The following HMGXB3 variants were observed in gnomAD, a reference collection of about 807,000 sequenced individuals.
HMGXB3 encodes the protein HMG domain-containing protein 3.
HMGXB3 carries 45 observed loss-of-function variants against 121.5 expected under a neutral mutation model. That is an observed-to-expected ratio of 0.37 (90% CI 0.29 to 0.47). HMGXB3 has a LOEUF of 0.47. Among genes scored for constraint, HMGXB3 ranks in the 20% least tolerant of loss-of-function variants. The pLI is 0.99. For missense variants in HMGXB3, 1,376 were observed against 1,602.2 expected (o/e 0.86, Z 2.41); for synonymous variants, 590 against 624.1 (o/e 0.95, Z 0.81).
chr5:150,051,677 A>G (rs1756901818), intron 19 of HMGXB3, 48 bp from the exon 20 acceptor site: 1 of 1,401,814 alleles, frequency 7.1e-7, no homozygotes, highest in Non-Finnish European at 9.6e-7. Context: ...GATGGGTTCC[A>G]CCTTAGTCAT....
At chr5:150,002,581 C>T (rs1755599785) in intron 1 of HMGXB3, among the ~76,000 whole-genome samples, 2 of 152,210 alleles carry the variant, frequency 1.3e-5, no homozygotes, top group South Asian at 2.1e-4. Context: ...GTTATTTCCT[C>T]TTGTAAAATT....
rs778428961 is a variant in HMGXB3 at position 150,032,578 on chromosome 5, G to A, written c.1958G>A (p.Arg653Gln). ...PSCGVNLAKD[R>Q]TEKTTKAIEV... is the part of the protein sequence containing the mutation. Reference sequence around the variant, plus strand: ...TGTGGTGTTAACCTTGCCAAAGACCGGACTGAGAAAACCACCAAGGCTATC... The same window carrying A: ...TGTGGTGTTAACCTTGCCAAAGACCAGACTGAGAAAACCACCAAGGCTATC... The change falls in exon 11 of 20, where the codon CGG becomes CAG. Residue 653 changes from arginine to glutamine, a missense_variant. Physicochemically the swap from Arg to Gln is conservative, Grantham distance 43. Coordinates refer to ENST00000502717, the MANE Select transcript of HMGXB3 (RefSeq NM_014983.3). The A allele has an allele frequency of 8.4e-6, 13 of 1,552,118 alleles. No homozygotes were observed. Among genetic ancestry groups the A allele is most frequent in the Admixed American group, 7.8e-5 (4 of 50,988 alleles).
chr5:150,040,716 T>C, intron 13 of HMGXB3, 32 bp from the exon 14 acceptor site: 1 of 1,546,806 alleles, frequency 6.5e-7, no homozygotes, highest in Non-Finnish European at 8.7e-7. Flanking sequence ...TATGATACAT[T>C]AATTTCCTTG....
At chr5:150,007,698 T>C (rs1208379581) in intron 3 of HMGXB3, among the ~76,000 whole-genome samples, 1 of 152,180 alleles carries the variant, frequency 6.6e-6, no homozygotes, top group East Asian at 1.9e-4. Flanking sequence ...ATCCCTATAG[T>C]GGAGTGGAGA....
intron 7 of HMGXB3, among the ~76,000 whole-genome samples, chr5:150,024,983 CT>C (rs2113741998): frequency 6.6e-6 from 1 of 152,280 alleles, no homozygotes; most frequent in South Asian, 2.1e-4. Flanking sequence ...GTCCTGGATA[CT>C]GGATTTGGAA....
intron 1 of HMGXB3, among the ~76,000 whole-genome samples, chr5:150,003,648 C>T (rs1287916971): frequency 6.7e-6 from 1 of 149,520 alleles, no homozygotes; most frequent in East Asian, 1.9e-4. Context: ...TTTTTTCTGC[C>T]AATTACCTGA....
intron 7 of HMGXB3, 74 bp downstream of exon 7, chr5:150,024,754 A>G: frequency 1.6e-6 from 2 of 1,268,854 alleles, no homozygotes; most frequent in Non-Finnish European, 2.1e-6. Context: ...TCTGTACAGC[A>G]TGCCTGAGAG....
At chr5:150,003,700 A>G (rs1158330858) in intron 1 of HMGXB3, among the ~76,000 whole-genome samples, 3 of 151,656 alleles carry the variant, frequency 2.0e-5, no homozygotes, top group Non-Finnish European at 4.4e-5. Flanking sequence ...AATCCCACTC[A>G]TGCCTGTAAT....
intron 2 of HMGXB3, 77 bp downstream of exon 2, chr5:150,005,066 T>A: frequency 4.7e-6 from 7 of 1,481,178 alleles, no homozygotes; most frequent in Non-Finnish European, 6.3e-6. Flanking sequence ...GGAAAACTTT[T>A]AAGACTCTTT....
Position 150,010,181 on chromosome 5 carries a change from C to G in HMGXB3, c.383C>G (p.Ser128Ter). ...GGTTTCCGCAAGATCCTCCCACGCT[C>G]AGATTATATCATCATCCCCAAGAGC... ...IPGFRKILPRSDYIIIPKSSL... is the reference protein window; with the variant it reads ...IPGFRKILPR The change falls in exon 4 of 20, where the codon TCA (serine) becomes TGA (stop). Residue 128 changes from serine (S) to a stop codon, truncating the protein, a stop_gained. Transcript: ENST00000502717. LOFTEE classifies it high-confidence loss of function. 2 of 1,551,800 alleles carry G rather than the reference C, an allele frequency of 1.3e-6. No homozygotes were observed. The highest frequency in any genetic ancestry group is 1.7e-6 in the Non-Finnish European group (2 of 1,147,020).
At chr5:150,008,804 T>C (rs920450628) in intron 3 of HMGXB3, among the ~76,000 whole-genome samples, 32 of 152,370 alleles carry the variant, frequency 2.1e-4, no homozygotes, top group African/African-American at 7.7e-4. Flanking sequence ...TCTCCTAACA[T>C]GGCTGCTTCA....
chr5:150,022,672 A>G (rs1417892508), intron 6 of HMGXB3, among the ~76,000 whole-genome samples: 3 of 152,186 alleles, frequency 2.0e-5, no homozygotes, highest in East Asian at 1.9e-4. Context: ...TTTTTCTGCT[A>G]AATTTTCCCT....
chr5:150,049,612 C>T (rs1327561961), intron 18 of HMGXB3, among the ~76,000 whole-genome samples: 1 of 152,192 alleles, frequency 6.6e-6, no homozygotes, highest in Non-Finnish European at 1.5e-5. Context: ...GTTCATGCGA[C>T]AGGGGATCAT....
chr5:150,020,658 C>G (rs898119198), intron 6 of HMGXB3, among the ~76,000 whole-genome samples: 9 of 151,394 alleles, frequency 5.9e-5, no homozygotes, highest in African/African-American at 1.9e-4. Flanking sequence ...TTCTTGGTCT[C>G]AAGTGATCCT....
rs1475990055 is a variant in HMGXB3 at position 150,040,821 on chromosome 5, C to T, written c.2487C>T (p.Leu829=). The T allele has an allele frequency of 1.1e-5, 17 of 1,551,736 alleles. No homozygotes were observed. The highest frequency in any genetic ancestry group is 1.4e-5 in the Non-Finnish European group (16 of 1,147,026). ...TTGCAATCAGAAATCAGATCAAGCT[C>T]GGAGAGGACCCCAGAGTGTCCATCA... The part of the protein sequence containing the change: ...LLFAIRNQIK[L]GEDPRVSINV... The change falls in exon 14 of 20, where the codon CTC becomes CTT. Residue 829 remains leucine (L), a synonymous_variant. Coordinates refer to ENST00000502717, the MANE Select transcript of HMGXB3 (RefSeq NM_014983.3).
intron 11 of HMGXB3, among the ~76,000 whole-genome samples, chr5:150,034,806 C>G (rs1458385759): frequency 6.6e-6 from 1 of 152,168 alleles, no homozygotes; most frequent in Non-Finnish European, 1.5e-5. Context: ...GTCTTTAGTC[C>G]TTTCTATCCT....
At chr5:150,018,521 TGA>T (rs1756009785) in intron 5 of HMGXB3, 43 bp from the exon 6 acceptor site, 1 of 1,472,822 alleles carries the variant, frequency 6.8e-7, no homozygotes, top group Admixed American at 2.4e-5. Context: ...GTCATCAGTC[TGA>T]GAGAGGTTGT....
intron 7 of HMGXB3, among the ~76,000 whole-genome samples, chr5:150,025,733 A>T (rs1756214202): frequency 6.6e-6 from 1 of 151,760 alleles, no homozygotes; most frequent in African/African-American, 2.4e-5. Flanking sequence ...ACACCTGGCT[A>T]ATTTTTGTAT....
chr5:150,006,489 T>A lies in HMGXB3; in HGVS notation c.154T>A (p.Tyr52Asn). The A allele has an allele frequency of 6.4e-7, 1 of 1,551,688 alleles. No individual in the cohort carries two copies. The highest frequency in any genetic ancestry group is 1.4e-5 in the African/African-American group (1 of 73,140). The change falls in exon 3 of 20, where the codon TAC becomes AAC. Residue 52 changes from tyrosine to asparagine, a missense_variant. Tyr to Asn is a moderately radical substitution (Grantham distance 143). Around this residue, in one of 2 missense-constraint regions of HMGXB3, gnomAD observed 1,116 missense variants for 1,369.0 expected, o/e 0.82. Transcript: ENST00000502717. Reference sequence around the variant, plus strand: ...CTTCCTCAGGTCTGCTTACCTTCTGTACTATTACGACATCTACCTGAAAGT... The same window carrying A: ...CTTCCTCAGGTCTGCTTACCTTCTGAACTATTACGACATCTACCTGAAAGT... ...TKKPRSAYLL[Y>N]YYDIYLKVQQ... is the part of the protein sequence containing the mutation.
Sources: gnomAD v4.1 joint callset for allele counts (sites outside exome capture counted in the v4.1 genomes callset) on GRCh38, gnomAD v4.1.1 for gene constraint, gnomAD v4.1.1 regional missense constraint, MANE v1.5 for transcripts, NCBI Gene and HGNC (gene_info 2026-07-23, HGNC 2026-07-21) for gene names.